FOXF2: variants seen among roughly 807,000 people sequenced by gnomAD.
FOXF2 encodes the protein forkhead box F2.
A neutral mutation model predicts 29.1 loss-of-function variants in FOXF2; 15 were observed. The ratio of observed to expected loss-of-function variants is 0.52; its 90% CI spans 0.35 to 0.79. The LOEUF is 0.79. Among genes scored for constraint, FOXF2 ranks in the 30% least tolerant of loss-of-function variants. The pLI is 0.01. For missense variants in FOXF2, 675 were observed against 667.1 expected (o/e 1.01, Z -0.13); for synonymous variants, 337 against 316.5 (o/e 1.06, Z -0.69).
At position 1,394,824 on chromosome 6, in the gene FOXF2, A is replaced by C; in HGVS notation, c.1300A>C (p.Ser434Arg). 1 of 1,614,094 alleles carries C rather than the reference A, an allele frequency of 6.2e-7. No individual in the cohort carries two copies. Among genetic ancestry groups the C allele is most frequent in the Non-Finnish European group, 8.5e-7 (1 of 1,180,020 alleles). Residue 434 changes from serine to arginine, a missense_variant, in exon 2 of 2, where the codon AGC (serine) becomes CGC (arginine). Physicochemically the swap from Ser to Arg is moderately radical, Grantham distance 110. Transcript: ENST00000645481. ...SGSYYHHHHQ[S>R]VCQDIKPCVM ...GTCGTATTATCACCATCACCACCAGAGCGTCTGTCAGGATATTAAGCCCTG... is the reference window on the plus strand; with the variant it reads ...GTCGTATTATCACCATCACCACCAGCGCGTCTGTCAGGATATTAAGCCCTG...
Position 1,390,766 on chromosome 6 carries a change from C to A in FOXF2, c.819C>A (p.Val273=), listed in dbSNP as rs1305501205. 7 of 1,397,666 alleles carry A rather than the reference C, an allele frequency of 5.0e-6. No homozygotes were observed. Among genetic ancestry groups the A allele is most frequent in the African/African-American group, 3.0e-5 (2 of 65,664 alleles). The allele number at this position is 1,397,666 out of a possible 1,614,324, so 86.6% of individuals were successfully genotyped here. Residue 273 remains valine, a synonymous_variant, in exon 1 of 2, where the codon GTC becomes GTA. Transcript: ENST00000645481. The surrounding 1 kb of genome is among the most constrained non-coding windows in gnomAD (Gnocchi z 8.5). ...CTCACCACCACCACCACCACCACGT[C>A]CCGCACATGTCGCCCAACCCGGGTT... ...AHPHHHHHHH[V]PHMSPNPGST...
At chr6:1,392,803 GC>G (rs984309828) in intron 1 of FOXF2, among the ~76,000 whole-genome samples, 14 of 152,342 alleles carry the variant, frequency 9.2e-5, no homozygotes, top group Non-Finnish European at 1.0e-4. Flanking sequence ...CGGCCTCTGT[GC>G]CCCTACCCAG....
rs1343456513 is a variant in FOXF2, at chr6:1,394,898, C to T, written c.*39C>T. The stretch of plus-strand genomic sequence containing the variant: ...AAGCGATGGCCGCTCTCTCCTCTCC[C>T]CTCCTCAGAGGGGGCAGATAGAAAC... On this transcript the variant is annotated 3_prime_UTR_variant, in exon 2 of 2. Coordinates refer to ENST00000645481, the MANE Select transcript of FOXF2 (RefSeq NM_001452.2). 6.2e-7 allele frequency: 1 copy of T among 1,608,378 alleles called. No homozygotes were observed. Among genetic ancestry groups the T allele is most frequent in the East Asian group, 2.2e-5 (1 of 44,860 alleles).
rs1359401069 is a variant in FOXF2 at position 1,395,543 on chromosome 6, CA to C, written c.*685del. On this transcript the variant is annotated 3_prime_UTR_variant, in exon 2 of 2. Coordinates refer to ENST00000645481, the MANE Select transcript of FOXF2 (RefSeq NM_001452.2). ...ATATTTGCACTTATGTATACTTTTA[CA>C]GTTTGCCAAAATATTTTGTTGTAAA... 3 of 144,830 alleles carry C rather than the reference CA, an allele frequency of 2.1e-5. No individual in the cohort carries two copies. The highest frequency in any genetic ancestry group is 3.0e-5 in the Non-Finnish European group (2 of 66,670). The allele number at this position is 144,830 out of a possible 1,614,324, so 9.0% of individuals were successfully genotyped here. A position where few individuals can be genotyped will look rare whatever the true frequency, so the allele number is the denominator to read the frequency against.
Position 1,394,796 on chromosome 6 carries a change from C to A in FOXF2, c.1272C>A (p.Ser424Arg), listed in dbSNP as rs61753348. The A allele has an allele frequency of 1.2e-6, 2 of 1,614,038 alleles. No individual in the cohort carries two copies. The change falls in exon 2 of 2, where the codon AGC becomes AGA. Residue 424 changes from serine to arginine, a missense_variant. Physicochemically the swap from Ser to Arg is moderately radical, Grantham distance 110 (BLOSUM62 -1). Coordinates refer to ENST00000645481, the MANE Select transcript of FOXF2 (RefSeq NM_001452.2). The stretch of plus-strand genomic sequence containing the variant: ...TTTCTTCTTTCCATCCCTCAGCTAG[C>A]GGGTCGTATTATCACCATCACCACC... ...NGISSFHPSA[S>R]GSYYHHHHQS...
At chr6:1,392,454 A>T (rs1758808333) in intron 1 of FOXF2, among the ~76,000 whole-genome samples, 2 of 150,652 alleles carry the variant, frequency 1.3e-5, no homozygotes, top group South Asian at 2.1e-4. Context: ...ACACACACAC[A>T]CACACACACA....
chr6:1,394,129 T>C (rs981569639), intron 1 of FOXF2, among the ~76,000 whole-genome samples: 5 of 152,248 alleles, frequency 3.3e-5, no homozygotes, highest in Non-Finnish European at 5.9e-5. Context: ...CGTGCTTTTC[T>C]GCCCCATCCC....
rs746407075 is a variant in FOXF2 at position 1,390,553 on chromosome 6, G to A, written c.606G>A (p.Ala202=). ...GCGGCTTCAGGCGGAAGTGCCAGGC[G>A]CTCAAGCCCATGTACCACCGCGTGG... The part of the protein sequence containing the change: ...RPRGFRRKCQ[A]LKPMYHRVVS... The change falls in exon 1 of 2, where the codon GCG becomes GCA. Residue 202 remains alanine, a synonymous_variant. Transcript: ENST00000645481. This position sits in a 1 kb window ranked among gnomAD's most constrained non-coding sequence, Gnocchi z 8.5. 21 of 1,606,714 alleles carry A rather than the reference G, an allele frequency of 1.3e-5. No individual in the cohort carries two copies. The highest frequency in any genetic ancestry group is 1.8e-5 in the Non-Finnish European group (21 of 1,179,028).
chr6:1,394,753 T>C lies in FOXF2; in HGVS notation c.1229T>C (p.Val410Ala). The change falls in exon 2 of 2, where the codon GTC becomes GCC. Residue 410 changes from valine (V) to alanine (A), a missense_variant. By Grantham distance (64) the Val-to-Ala change is moderately conservative. Transcript: ENST00000645481. ...STPVCDRKDF[V>A]LNFNGISSFH... The stretch of plus-strand genomic sequence containing the variant: ...CCAGTGTGTGACAGAAAAGATTTCG[T>C]CCTCAACTTCAATGGGATTTCTTCT... 6.2e-7 allele frequency: 1 copy of C among 1,614,124 alleles called. No individual in the cohort carries two copies. Among genetic ancestry groups the C allele is most frequent in the Non-Finnish European group, 8.5e-7 (1 of 1,180,004 alleles).
chr6:1,394,924 T>G lies in FOXF2; in HGVS notation c.*65T>G, dbSNP rs1581264216. 2 of 1,543,316 alleles carry G rather than the reference T, an allele frequency of 1.3e-6. No individual in the cohort carries two copies. The highest frequency in any genetic ancestry group is 1.8e-6 in the Non-Finnish European group (2 of 1,117,568). ...CTCCTCAGAGGGGGCAGATAGAAACTGGGACGGATTCAAGTCACATGCACG... is the reference window on the plus strand; with the variant it reads ...CTCCTCAGAGGGGGCAGATAGAAACGGGGACGGATTCAAGTCACATGCACG... On this transcript the variant is annotated 3_prime_UTR_variant, in exon 2 of 2. Coordinates refer to ENST00000645481, the MANE Select transcript of FOXF2 (RefSeq NM_001452.2).
intron 1 of FOXF2, among the ~76,000 whole-genome samples, chr6:1,393,425 C>A (rs898684673): frequency 1.3e-5 from 2 of 151,972 alleles, no homozygotes; most frequent in Admixed American, 1.3e-4. Flanking sequence ...GACTTGCCAT[C>A]AGAACTTGCT....
chr6:1,390,493 C>CATGTTCGAGG lies in FOXF2; in HGVS notation c.548_557dup (p.Glu186AspfsTer223), dbSNP rs1261843204. The CATGTTCGAGG allele has an allele frequency of 1.2e-6, 2 of 1,611,908 alleles. No individual in the cohort carries two copies. ...GGACCATCGACCCGGCCAGCGAGTT[C>CATGTTCGAGG]ATGTTCGAGGAGGGCTCGTTCCGCC... On this transcript the variant is annotated frameshift_variant, in exon 1 of 2. Coordinates refer to ENST00000645481, the MANE Select transcript of FOXF2 (RefSeq NM_001452.2). LOFTEE classifies it high-confidence loss of function. This position sits in a 1 kb window ranked among gnomAD's most constrained non-coding sequence, Gnocchi z 8.5.
At position 1,395,073 on chromosome 6, in the gene FOXF2, T is replaced by A. The variant is rs1019279644; in HGVS notation, c.*214T>A. 17 of 587,964 alleles carry A rather than the reference T, an allele frequency of 2.9e-5. No individual in the cohort carries two copies. The highest frequency in any genetic ancestry group is 1.7e-4 in the Admixed American group (6 of 34,786). 36.4% of individuals were successfully genotyped at this position (587,964 alleles called of 1,614,324 possible). A position where few individuals can be genotyped will look rare whatever the true frequency, so the allele number is the denominator to read the frequency against. On this transcript the variant is annotated 3_prime_UTR_variant, in exon 2 of 2. Coordinates refer to ENST00000645481, the MANE Select transcript of FOXF2 (RefSeq NM_001452.2). ...GCAAGGTAGCGTTCCCCAATCTGAA[T>A]ACCTGCAGGCTCCCACATGAGGGAG...
chr6:1,393,526 G>C (rs1030238611), intron 1 of FOXF2, among the ~76,000 whole-genome samples: 6 of 152,148 alleles, frequency 3.9e-5, no homozygotes, highest in African/African-American at 1.4e-4. Flanking sequence ...GCAGCGCCGG[G>C]TGTGTTCGGG....
Position 1,391,225 on chromosome 6 carries a change from C to T in FOXF2, c.1171+107C>T. Reference sequence around the variant, plus strand: ...AACAGGGACCCCGAAGCTAGGAGGTCTGAGGGCACTGGGAAAAGCAGATGC... The same window carrying T: ...AACAGGGACCCCGAAGCTAGGAGGTTTGAGGGCACTGGGAAAAGCAGATGC... On this transcript the variant is annotated intron_variant, in intron 1 of 1. Coordinates refer to ENST00000645481, the MANE Select transcript of FOXF2 (RefSeq NM_001452.2). 2.3e-5 allele frequency: 35 copies of T among 1,539,296 alleles called. 1 individual carries two copies. The South Asian group carries it at 4.0e-4, about 18-fold the overall frequency.
Position 1,394,950 on chromosome 6 carries a change from C to G in FOXF2, c.*91C>G, listed in dbSNP as rs1057036520. 7.5e-7 allele frequency: 1 copy of G among 1,325,852 alleles called. No individual in the cohort carries two copies. The highest frequency in any genetic ancestry group is 1.7e-5 in the Admixed American group (1 of 58,960). The allele number at this position is 1,325,852 out of a possible 1,614,324, so 82.1% of individuals were successfully genotyped here. ...GGGACGGATTCAAGTCACATGCACG[C>G]GGATAGCAGTAAGCCACACACCTGC... On this transcript the variant is annotated 3_prime_UTR_variant, in exon 2 of 2. Coordinates refer to ENST00000645481, the MANE Select transcript of FOXF2 (RefSeq NM_001452.2).
At chr6:1,391,140 C>G in intron 1 of FOXF2, 22 bp downstream of exon 1, 1 of 1,598,698 alleles carries the variant, frequency 6.3e-7, no homozygotes, top group South Asian at 1.1e-5. Context: ...CGCTCCAGCC[C>G]AGCCAGCTGG....
chr6:1,394,068 C>T (rs531137987), intron 1 of FOXF2, among the ~76,000 whole-genome samples: 2 of 152,388 alleles, frequency 1.3e-5, no homozygotes, highest in East Asian at 3.9e-4. Context: ...TAGAGGAAGT[C>T]TAAGACGTTC....
At position 1,390,585 on chromosome 6, in the gene FOXF2, G is replaced by C. The variant is rs769901978; in HGVS notation, c.638G>C (p.Gly213Ala). 6.9e-6 allele frequency: 11 copies of C among 1,598,726 alleles called. No individual in the cohort carries two copies. The Admixed American group carries it at 1.5e-4, about 22-fold the overall frequency. The change falls in exon 1 of 2, where the codon GGC (glycine) becomes GCC (alanine). Residue 213 changes from glycine to alanine, a missense_variant. By Grantham distance (60) the Gly-to-Ala change is moderately conservative. Coordinates refer to ENST00000645481, the MANE Select transcript of FOXF2 (RefSeq NM_001452.2). This position sits in a 1 kb window ranked among gnomAD's most constrained non-coding sequence, Gnocchi z 8.5. ...CCCATGTACCACCGCGTGGTGAGCGGCTTGGGCTTCGGGGCGTCGCTGCTG... is the reference window on the plus strand; with the variant it reads ...CCCATGTACCACCGCGTGGTGAGCGCCTTGGGCTTCGGGGCGTCGCTGCTG... ...LKPMYHRVVS[G>A]LGFGASLLPQ...
Sources: allele counts gnomAD v4.1 joint callset (sites outside exome capture counted in the v4.1 genomes callset), GRCh38; gene constraint gnomAD v4.1.1; non-coding constraint Gnocchi (gnomAD v3.1); transcripts MANE v1.5; gene names NCBI Gene and HGNC (gene_info 2026-07-23, HGNC 2026-07-21).